Variants in MAN1A2 observed in about 807,000 individuals in gnomAD.
MAN1A2 encodes mannosyl-oligosaccharide 1,2-alpha-mannosidase IB.
In MAN1A2, 26 loss-of-function variants were observed where a neutral mutation model predicts 75.7. The observed-to-expected ratio is 0.34, with a 90% CI of 0.25 to 0.48. MAN1A2 has a LOEUF of 0.48. MAN1A2 is among the 20% of genes least tolerant of loss of function. The pLI is 0.99. For synonymous variants in MAN1A2, 247 were observed against 264.6 expected, an observed-to-expected ratio of 0.93 and a Z score of 0.65; for missense variants, 562 against 775.5, an observed-to-expected ratio of 0.72 and a Z score of 3.27.
chr1:117,454,119 CT>C (rs1176331197), intron 6 of MAN1A2, among the ~76,000 whole-genome samples: 1 of 152,118 alleles, frequency 6.6e-6, no homozygotes, highest in East Asian at 1.9e-4. Flanking sequence ...GTAAATATAA[CT>C]TTTATATATA....
intron 11 of MAN1A2, among the ~76,000 whole-genome samples, chr1:117,500,101 T>C (rs1017411079): frequency 6.6e-6 from 1 of 151,890 alleles, no homozygotes; most frequent in Non-Finnish European, 1.5e-5. Flanking sequence ...GTATGAGATA[T>C]ATTTTAAGGC....
intron 8 of MAN1A2, among the ~76,000 whole-genome samples, chr1:117,492,215 G>A (rs1480289453): frequency 6.6e-6 from 1 of 151,970 alleles, no homozygotes; most frequent in Non-Finnish European, 1.5e-5. Context: ...CAAACAGGAA[G>A]AATCAATCAA....
chr1:117,368,871 C>G (rs966872625), intron 1 of MAN1A2, among the ~76,000 whole-genome samples: 1 of 152,132 alleles, frequency 6.6e-6, no homozygotes. Flanking sequence ...ATTGTGCCAC[C>G]ATGTGAAATC....
At chr1:117,489,490 G>C (rs1198486145) in intron 8 of MAN1A2, among the ~76,000 whole-genome samples, 2 of 151,794 alleles carry the variant, frequency 1.3e-5, no homozygotes, top group East Asian at 3.9e-4. Flanking sequence ...TTCTTTTTTT[G>C]TTGTGTGTAC....
At chr1:117,397,439 A>G (rs891147871) in intron 1 of MAN1A2, among the ~76,000 whole-genome samples, 1 of 152,066 alleles carries the variant, frequency 6.6e-6, no homozygotes, top group Admixed American at 6.6e-5. Flanking sequence ...ACATGTTGCT[A>G]TCAAATGTAC....
At chr1:117,412,809 G>A (rs1476183111) in intron 3 of MAN1A2, among the ~76,000 whole-genome samples, 1 of 151,590 alleles carries the variant, frequency 6.6e-6, no homozygotes, top group Admixed American at 6.6e-5. Flanking sequence ...TTTCTTCCTT[G>A]AAGCCTTTAG....
At chr1:117,422,839 A>G (rs924029956) in intron 5 of MAN1A2, among the ~76,000 whole-genome samples, 1 of 152,002 alleles carries the variant, frequency 6.6e-6, no homozygotes, top group African/African-American at 2.4e-5. Flanking sequence ...TACATTTGCA[A>G]TTATTTTCTC....
rs753048320 is a variant in MAN1A2, at chr1:117,460,642, T to A, written c.1074+30T>A. ...GTTTTCTTGCCTTCTATTCTTTGTTTGTTATAAAGAGTCCTTTAAGATTGG... is the reference window on the plus strand; with the variant it reads ...GTTTTCTTGCCTTCTATTCTTTGTTAGTTATAAAGAGTCCTTTAAGATTGG... On this transcript the variant is annotated intron_variant, in intron 7 of 12. Coordinates refer to ENST00000356554, the MANE Select transcript of MAN1A2 (RefSeq NM_006699.5). 1.9e-6 allele frequency: 3 copies of A among 1,572,222 alleles called. No homozygotes were observed. In the African/African-American group the frequency reaches 4.1e-5, roughly 21 times the overall value.
intron 8 of MAN1A2, among the ~76,000 whole-genome samples, chr1:117,471,245 A>G (rs745739728): frequency 5.9e-5 from 9 of 151,892 alleles, no homozygotes; most frequent in Non-Finnish European, 1.2e-4. Flanking sequence ...TAGATAATTT[A>G]TTTAACTTCT....
intron 6 of MAN1A2, among the ~76,000 whole-genome samples, chr1:117,443,113 G>T (rs1184063814): frequency 6.6e-6 from 1 of 151,916 alleles, no homozygotes; most frequent in East Asian, 1.9e-4. Flanking sequence ...AAATTTGATT[G>T]TTGTTCTCTT....
intron 8 of MAN1A2, among the ~76,000 whole-genome samples, chr1:117,492,321 T>C (rs1174995011): frequency 6.6e-6 from 1 of 152,064 alleles, no homozygotes; most frequent in Non-Finnish European, 1.5e-5. Context: ...ACCATTATCA[T>C]CAAGGCAAGA....
chr1:117,484,909 G>T (rs1030157742), intron 8 of MAN1A2, among the ~76,000 whole-genome samples: 7 of 151,788 alleles, frequency 4.6e-5, no homozygotes, highest in Non-Finnish European at 1.0e-4. Flanking sequence ...AGGCCATGTG[G>T]CTTGTCTATA....
intron 6 of MAN1A2, among the ~76,000 whole-genome samples, chr1:117,450,146 G>A (rs1338804956): frequency 6.6e-6 from 1 of 152,204 alleles, no homozygotes; most frequent in Non-Finnish European, 1.5e-5. Flanking sequence ...TGCTGATAGC[G>A]ATATAGACAA....
intron 4 of MAN1A2, among the ~76,000 whole-genome samples, chr1:117,419,165 T>C (rs1648106875): frequency 1.8e-5 from 1 of 55,702 alleles, no homozygotes; most frequent in Non-Finnish European, 3.6e-5. Flanking sequence ...ATCTTATTGG[T>C]CATTTTACTC....
rs1247352179 is a variant in MAN1A2, at chr1:117,497,002, T to C, written c.1504+20T>C. 1 of 1,570,660 alleles carries C rather than the reference T, an allele frequency of 6.4e-7. No individual in the cohort carries two copies. The highest frequency in any genetic ancestry group is 1.8e-5 in the Admixed American group (1 of 56,924). On this transcript the variant is annotated intron_variant, in intron 10 of 12. Coordinates refer to ENST00000356554, the MANE Select transcript of MAN1A2 (RefSeq NM_006699.5). The stretch of plus-strand genomic sequence containing the variant: ...GAACTGGTAAGAATATTAATAAGGC[T>C]AATTATATAGTCTAAAATAATCTCT...
At chr1:117,490,742 C>A (rs1314292748) in intron 8 of MAN1A2, among the ~76,000 whole-genome samples, 2 of 151,962 alleles carry the variant, frequency 1.3e-5, no homozygotes, top group South Asian at 4.2e-4. Context: ...ACCAGTTAGG[C>A]AGATTGTGAA....
At chr1:117,499,261 C>A in intron 10 of MAN1A2, 121 bp from the exon 11 acceptor site, 2 of 681,562 alleles carry the variant, frequency 2.9e-6, no homozygotes, top group Non-Finnish European at 4.5e-6. Flanking sequence ...GTGCAAACAG[C>A]AACAATAAAA....
intron 1 of MAN1A2, among the ~76,000 whole-genome samples, chr1:117,385,681 A>G (rs1653499461): frequency 1.3e-5 from 2 of 150,084 alleles, no homozygotes; most frequent in Admixed American, 6.9e-5. Flanking sequence ...TAATTACAGG[A>G]GAGGAATCCT....
chr1:117,420,152 C>T (rs61127408), intron 4 of MAN1A2, among the ~76,000 whole-genome samples: 2,995 of 151,788 alleles, frequency 0.02, 33 homozygotes, highest in East Asian at 0.054. Context: ...ACTTAAAATC[C>T]AGGAGGAGAG....
Sources: allele counts gnomAD v4.1 joint callset (sites outside exome capture counted in the v4.1 genomes callset), GRCh38; gene constraint gnomAD v4.1.1; transcripts MANE v1.5; gene names NCBI Gene and HGNC (gene_info 2026-07-23, HGNC 2026-07-21).